Variants in GPC5 observed in about 807,000 individuals in gnomAD.
GPC5 encodes glypican-5.
A neutral mutation model predicts 53.9 loss-of-function variants in GPC5; 47 were observed. That is an observed-to-expected ratio of 0.87 (90% CI 0.69 to 1.11). GPC5 has a LOEUF of 1.11. Among genes scored for constraint, GPC5 ranks in the 50% most tolerant of loss-of-function variants. GPC5 has a pLI of 0.00. For synonymous variants in GPC5, 286 were observed against 263.3 expected (o/e 1.09, Z -0.84); for missense variants, 748 against 713.1 (o/e 1.05, Z -0.56).
chr13:91,500,103 G>A (rs1433435487), intron 2 of GPC5, among the ~76,000 whole-genome samples: 2 of 152,228 alleles, frequency 1.3e-5, no homozygotes, highest in African/African-American at 4.8e-5. Context: ...TGTCTGTCCT[G>A]TATCAAATAG....
intron 6 of GPC5, among the ~76,000 whole-genome samples, chr13:91,945,742 G>A (rs182460083): frequency 6.6e-6 from 1 of 152,098 alleles, no homozygotes; most frequent in East Asian, 1.9e-4. Flanking sequence ...AGCCACTGCT[G>A]TTCTGCTTGG....
At chr13:92,639,137 A>G (rs1023067174) in intron 7 of GPC5, among the ~76,000 whole-genome samples, 4 of 152,278 alleles carry the variant, frequency 2.6e-5, no homozygotes, top group African/African-American at 4.8e-5. Flanking sequence ...ATTATGATAG[A>G]GTAATACCAG....
At position 92,740,960 on chromosome 13, in the gene GPC5, G is replaced by GTGTATATATATATATATATATATATA. The variant is rs35795926; in HGVS notation, c.1562-125321_1562-125320insGTATATATATATATATATATATATAT. On this transcript the variant is annotated intron_variant, in intron 7 of 7. Transcript: ENST00000377067. Reference sequence around the variant, plus strand: ...TGTATGTGTGTATATATATGTATGTGTATATATATATCCTGCTGTAGCATA... The same window carrying GTGTATATATATATATATATATATATA: ...TGTATGTGTGTATATATATGTATGTGTGTATATATATATATATATATATATATATATATATATCCTGCTGTAGCATA... 2.4e-4 allele frequency among the ~76,000 whole-genome samples: 28 copies of GTGTATATATATATATATATATATATA among 117,696 alleles called. 1 individual carries two copies. Among genetic ancestry groups the GTGTATATATATATATATATATATATA allele is most frequent in the African/African-American group, 9.2e-4 (28 of 30,368 alleles). The allele number at this position is 117,696 out of a possible 152,430, so 77.2% of individuals were successfully genotyped here.
chr13:91,634,250 T>C (rs1418656868), intron 2 of GPC5, among the ~76,000 whole-genome samples: 1 of 152,022 alleles, frequency 6.6e-6, no homozygotes, highest in Non-Finnish European at 1.5e-5. Flanking sequence ...AAATATAAAA[T>C]ATGTTGGGTA....
chr13:91,539,371 CAT>C (rs1049520138), intron 2 of GPC5, among the ~76,000 whole-genome samples: 6 of 152,156 alleles, frequency 3.9e-5, no homozygotes, highest in Non-Finnish European at 7.4e-5. Flanking sequence ...TCTAGTTCGT[CAT>C]ATGTTATCAG....
At chr13:92,072,200 A>G (rs1423240830) in intron 6 of GPC5, among the ~76,000 whole-genome samples, 2 of 148,550 alleles carry the variant, frequency 1.3e-5, no homozygotes, top group South Asian at 2.1e-4. Context: ...AAATAAATAA[A>G]ATGTATATAT....
intron 7 of GPC5, among the ~76,000 whole-genome samples, chr13:92,468,490 A>G (rs1029774425): frequency 1.3e-5 from 2 of 152,132 alleles, no homozygotes; most frequent in Admixed American, 6.6e-5. Flanking sequence ...AACAAATCAA[A>G]TAGACATGAG....
intron 7 of GPC5, among the ~76,000 whole-genome samples, chr13:92,643,300 A>C (rs1335365842): frequency 6.6e-6 from 1 of 152,198 alleles, no homozygotes; most frequent in Non-Finnish European, 1.5e-5. Flanking sequence ...GTCCTTGCCC[A>C]TGCCTATGTC....
intron 1 of GPC5, among the ~76,000 whole-genome samples, chr13:91,434,876 G>C (rs1879789630): frequency 1.3e-5 from 2 of 152,176 alleles, no homozygotes; most frequent in Admixed American, 6.5e-5. Context: ...GCAGTGGTTT[G>C]TAGTTCTCCT....
chr13:91,409,925 G>T (rs1358671301), intron 1 of GPC5, among the ~76,000 whole-genome samples: 5 of 152,178 alleles, frequency 3.3e-5, no homozygotes, highest in Admixed American at 3.3e-4. Context: ...TGAGAGCACA[G>T]TGTTTAGCTC....
intron 7 of GPC5, among the ~76,000 whole-genome samples, chr13:92,781,671 A>C (rs1375669655): frequency 6.6e-6 from 1 of 152,196 alleles, no homozygotes; most frequent in African/African-American, 2.4e-5. Flanking sequence ...GTTAAATATG[A>C]TCATGATGCA....
chr13:91,858,087 G>A (rs752010764), intron 5 of GPC5, among the ~76,000 whole-genome samples: 1 of 151,378 alleles, frequency 6.6e-6, no homozygotes, highest in Non-Finnish European at 1.5e-5. Context: ...TAATATATTT[G>A]CTAATTTTTG....
intron 6 of GPC5, among the ~76,000 whole-genome samples, chr13:91,949,838 T>C (rs1286609775): frequency 6.6e-6 from 1 of 152,156 alleles, no homozygotes; most frequent in Non-Finnish European, 1.5e-5. Flanking sequence ...AATTCTTGTA[T>C]TATTCTACTA....
At chr13:91,612,304 T>C (rs1187771168) in intron 2 of GPC5, among the ~76,000 whole-genome samples, 1 of 152,208 alleles carries the variant, frequency 6.6e-6, no homozygotes, top group Non-Finnish European at 1.5e-5. Context: ...AATGCTATAG[T>C]AAATTATAAA....
At chr13:91,560,850 G>A (rs1467269758) in intron 2 of GPC5, among the ~76,000 whole-genome samples, 1 of 152,012 alleles carries the variant, frequency 6.6e-6, no homozygotes, top group Non-Finnish European at 1.5e-5. Context: ...GGAGAGTTCT[G>A]ACTCTTGCCC....
intron 7 of GPC5, among the ~76,000 whole-genome samples, chr13:92,808,926 G>A (rs1877196719): frequency 6.6e-6 from 1 of 152,030 alleles, no homozygotes; most frequent in Admixed American, 6.6e-5. Context: ...TGCAGCCAGT[G>A]CATTCTTCTA....
intron 7 of GPC5, among the ~76,000 whole-genome samples, chr13:92,621,980 G>C (rs1283809869): frequency 6.6e-6 from 1 of 152,098 alleles, no homozygotes; most frequent in Non-Finnish European, 1.5e-5. Context: ...CAAGCTCTCT[G>C]TGTATCTTCC....
At chr13:92,754,683 G>T (rs1874777469) in intron 7 of GPC5, among the ~76,000 whole-genome samples, 1 of 151,554 alleles carries the variant, frequency 6.6e-6, no homozygotes, top group Non-Finnish European at 1.5e-5. Flanking sequence ...TGCAATCCTA[G>T]TCTCTGATAA....
At chr13:91,616,535 A>T (rs547298975) in intron 2 of GPC5, among the ~76,000 whole-genome samples, 3 of 152,226 alleles carry the variant, frequency 2.0e-5, no homozygotes, top group South Asian at 4.1e-4. Context: ...CTACCTGGTT[A>T]TCTTATGTTC....
Sources: allele counts gnomAD v4.1 joint callset (sites outside exome capture counted in the v4.1 genomes callset), GRCh38; gene constraint gnomAD v4.1.1; transcripts MANE v1.5; gene names NCBI Gene and HGNC (gene_info 2026-07-23, HGNC 2026-07-21).